MACO1: variants seen among roughly 807,000 people sequenced by gnomAD.
MACO1 encodes macoilin.
MACO1 carries 14 observed loss-of-function variants against 78.7 expected under a neutral mutation model. The ratio of observed to expected loss-of-function variants is 0.18; its 90% CI spans 0.12 to 0.28. The LOEUF (loss-of-function observed/expected upper bound fraction) is 0.28, where lower values mean the gene tolerates loss of function less well. Among genes scored for constraint, MACO1 ranks in the 10% least tolerant of loss-of-function variants. The pLI, the probability that MACO1 is intolerant of heterozygous loss-of-function variation, is 1.00. For missense variants in MACO1, 501 were observed against 799.0 expected (o/e 0.63, Z 4.50); for synonymous variants, 288 against 291.6 (o/e 0.99, Z 0.12).
chr1:25,452,758 G>A (rs7532783), intron 3 of MACO1, among the ~76,000 whole-genome samples: 74,407 of 149,434 alleles, frequency 0.5, 18,827 homozygotes, highest in Non-Finnish European at 0.54. Context: ...GTGCAGTGGC[G>A]CAATCTCGGC....
In MACO1 at chr1:25,431,083, GC is replaced by G. The variant is rs1357063996; in HGVS notation, c.-10del. The G allele has an allele frequency of 5.7e-6, 9 of 1,574,770 alleles. No individual in the cohort carries two copies. The highest frequency in any genetic ancestry group is 2.4e-5 in the East Asian group (1 of 41,876). ...ACGGCGGCGGCGGCGCGGGCACCCG[GC>G]CCCCCAGCGGGAGGATGAAGCGGCG... On this transcript the variant is annotated 5_prime_UTR_variant, in exon 1 of 11. Coordinates refer to ENST00000374343, the MANE Select transcript of MACO1 (RefSeq NM_018202.6).
intron 10 of MACO1, among the ~76,000 whole-genome samples, chr1:25,492,827 T>G (rs562629422): frequency 2.6e-5 from 4 of 151,602 alleles, no homozygotes; most frequent in Non-Finnish European, 5.9e-5. Flanking sequence ...AATAGAGTAC[T>G]GCATAAAATA....
chr1:25,456,962 A>G (rs1442400610), intron 5 of MACO1, 131 bp downstream of exon 5: 12 of 865,030 alleles, frequency 1.4e-5, no homozygotes, highest in Non-Finnish European at 2.0e-5. Context: ...CCTCAGGGTC[A>G]TTGTTTTATT....
At chr1:25,467,490 C>T (rs182347242) in intron 6 of MACO1, among the ~76,000 whole-genome samples, 1 of 152,170 alleles carries the variant, frequency 6.6e-6, no homozygotes, top group Admixed American at 6.5e-5. Flanking sequence ...TAACAAAATA[C>T]TAAGTGATCC....
chr1:25,471,120 C>T (rs933755125), intron 6 of MACO1, among the ~76,000 whole-genome samples: 29 of 151,764 alleles, frequency 1.9e-4, no homozygotes, highest in African/African-American at 7.0e-4. Context: ...AGGTGGATCA[C>T]ATAAGGCCAG....
In MACO1 at chr1:25,468,159, A is replaced by AGT. The variant is rs1481388663; in HGVS notation, c.1154+9267_1154+9268insGT. ...TGTGTTAAAAATTCTTGCTCTTGCC[A>AGT]AAGACACATGAGTGTACTTACTTAT... On this transcript the variant is annotated intron_variant, in intron 6 of 10. Coordinates refer to ENST00000374343, the MANE Select transcript of MACO1 (RefSeq NM_018202.6). Among the ~76,000 whole-genome samples, 12 of 152,060 alleles carry AGT rather than the reference A, an allele frequency of 7.9e-5. No individual in the cohort carries two copies. The East Asian group carries it at 2.3e-3, about 29-fold the overall frequency.
intron 1 of MACO1, among the ~76,000 whole-genome samples, chr1:25,442,489 A>C (rs969451414): frequency 1.3e-5 from 2 of 152,198 alleles, no homozygotes; most frequent in East Asian, 3.8e-4. Flanking sequence ...AAGGTCAGGT[A>C]CTAAGGATTG....
In MACO1 at chr1:25,446,825, G is replaced by A; in HGVS notation, c.144G>A (p.Leu48=). ...TTGTCCTCCTAGCAGATTTTGTCCT[G>A]GAGTTCAGATTTGAATACCTGTGGC... is the stretch of plus-strand genomic sequence containing the variant. The part of the protein sequence containing the change: ...WALVLLADFV[L]EFRFEYLWPF... The change falls in exon 2 of 11, where the codon CTG becomes CTA. Residue 48 remains leucine (L), a synonymous_variant. Transcript: ENST00000374343. 2 of 1,613,884 alleles carry A rather than the reference G, an allele frequency of 1.2e-6. No individual in the cohort carries two copies. The highest frequency in any genetic ancestry group is 8.5e-7 in the Non-Finnish European group (1 of 1,179,916).
chr1:25,477,535 T>A (rs2043333099), intron 6 of MACO1, among the ~76,000 whole-genome samples: 2 of 152,212 alleles, frequency 1.3e-5, no homozygotes, highest in Non-Finnish European at 2.9e-5. Flanking sequence ...AGGCTCCTTA[T>A]CATCCCCAGG....
At chr1:25,438,567 C>T (rs2042940079) in intron 1 of MACO1, among the ~76,000 whole-genome samples, 1 of 152,166 alleles carries the variant, frequency 6.6e-6, no homozygotes, top group Admixed American at 6.5e-5. Flanking sequence ...CTATGTGGAA[C>T]TCTATGTTGC....
At chr1:25,477,577 C>T (rs929759992) in intron 6 of MACO1, among the ~76,000 whole-genome samples, 5 of 152,170 alleles carry the variant, frequency 3.3e-5, no homozygotes, top group African/African-American at 9.7e-5. Flanking sequence ...AGCCCACAGA[C>T]ATATATCTTT....
chr1:25,498,587 A>G lies in MACO1; in HGVS notation c.*121A>G. 1.1e-6 allele frequency: 1 copy of G among 947,908 alleles called. No individual in the cohort carries two copies. The highest frequency in any genetic ancestry group is 2.5e-5 in the East Asian group (1 of 39,742). 58.7% of individuals were successfully genotyped at this position (947,908 alleles called of 1,614,324 possible). Reference sequence around the variant, plus strand: ...ATTTTGTGGAACTGTATCTGTTGTCATTTTTAAAAAGGGGGGAAAAGATAA... The same window carrying G: ...ATTTTGTGGAACTGTATCTGTTGTCGTTTTTAAAAAGGGGGGAAAAGATAA... On this transcript the variant is annotated 3_prime_UTR_variant, in exon 11 of 11. Coordinates refer to ENST00000374343, the MANE Select transcript of MACO1 (RefSeq NM_018202.6).
Position 25,458,668 on chromosome 1 carries a change from G to C in MACO1, c.930G>C (p.Leu310Phe). Reference protein sequence around the residue: ...NDLVGSTENLLKEDSCTASSK... With the variant: ...NDLVGSTENLFKEDSCTASSK... ...TTGTGGGAAGTACAGAAAATCTCTTGAAAGAGGACTCATGCACTGCTTCCT... is the reference window on the plus strand; with the variant it reads ...TTGTGGGAAGTACAGAAAATCTCTTCAAAGAGGACTCATGCACTGCTTCCT... Residue 310 changes from leucine (L) to phenylalanine (F), a missense_variant, in exon 6 of 11, where the codon TTG becomes TTC. This residue lies in a region of MACO1 where 90 missense variants were observed against 85.7 expected (regional missense o/e 1.05). Transcript: ENST00000374343. 1 of 1,614,116 alleles carries C rather than the reference G, an allele frequency of 6.2e-7. No homozygotes were observed. The highest frequency in any genetic ancestry group is 8.5e-7 in the Non-Finnish European group (1 of 1,180,018).
rs1294124195 is a variant in MACO1 at position 25,440,405 on chromosome 1, G to GGA, written c.81-6357_81-6356insGA. On this transcript the variant is annotated intron_variant, in intron 1 of 10. Coordinates refer to ENST00000374343, the MANE Select transcript of MACO1 (RefSeq NM_018202.6). ...CAACAAAGGAAGACCCCAGTTCTGG[G>GGA]AAAAAAAAAAAAAAAAGAAGAAAGA... Among the ~76,000 whole-genome samples, 192 of 124,610 alleles carry GGA rather than the reference G, an allele frequency of 1.5e-3. 2 individuals carry two copies. The highest frequency in any genetic ancestry group is 4.4e-3 in the African/African-American group (152 of 34,748). 81.7% of individuals were successfully genotyped at this position (124,610 alleles called of 152,430 possible).
rs78910532 is a variant in MACO1 at position 25,456,965 on chromosome 1, G to A, written c.652+134G>A. ...AATGGTGTTCCTCCTCAGGGTCATT[G>A]TTTTATTTGGTCAATGAAATACAGA... On this transcript the variant is annotated intron_variant, in intron 5 of 10. Transcript: ENST00000374343. 9.7e-3 allele frequency: 7,991 copies of A among 827,594 alleles called. 394 individuals carry two copies. In the African/African-American group the frequency reaches 0.11, roughly 11 times the overall value. The allele number at this position is 827,594 out of a possible 1,614,324, so 51.3% of individuals were successfully genotyped here.
chr1:25,498,554 T>C lies in MACO1; in HGVS notation c.*88T>C. On this transcript the variant is annotated 3_prime_UTR_variant, in exon 11 of 11. Transcript: ENST00000374343. ...TGGCAGTCAAGATAAAAAAACAGTT[T>C]CTATTGTATTTTGTGGAACTGTATC... 1 of 1,258,060 alleles carries C rather than the reference T, an allele frequency of 7.9e-7. No homozygotes were observed. The highest frequency in any genetic ancestry group is 1.5e-5 in the South Asian group (1 of 68,742). The allele number at this position is 1,258,060 out of a possible 1,614,324, so 77.9% of individuals were successfully genotyped here. A position where few individuals can be genotyped will look rare whatever the true frequency, so the allele number is the denominator to read the frequency against.
rs1246920699 is a variant in MACO1, at chr1:25,453,004, AT to A, written c.350-1237del. ...GCCACCACGCCTGGCCCTACAGTGA[AT>A]TTTTTTTTTTTTTTTTTGAGATGGA... On this transcript the variant is annotated intron_variant, in intron 3 of 10. Coordinates refer to ENST00000374343, the MANE Select transcript of MACO1 (RefSeq NM_018202.6). Among the ~76,000 whole-genome samples, 698 of 118,160 alleles carry A rather than the reference AT, an allele frequency of 5.9e-3. 3 individuals carry two copies. Among genetic ancestry groups the A allele is most frequent in the African/African-American group, 0.01 (322 of 30,896 alleles). The allele number at this position is 118,160 out of a possible 152,430, so 77.5% of individuals were successfully genotyped here.
Position 25,458,769 on chromosome 1 carries a change from C to T in MACO1, c.1031C>T (p.Pro344Leu). The T allele has an allele frequency of 6.2e-7, 1 of 1,614,144 alleles. No homozygotes were observed. ...CATAGCGCCACAAATGGGAGCATTCCTTCCTCATCTAGTAAAAATGAGAAG... is the reference window on the plus strand; with the variant it reads ...CATAGCGCCACAAATGGGAGCATTCTTTCCTCATCTAGTAAAAATGAGAAG... ...RSHSATNGSI[P>L]SSSSKNEKKQ... Residue 344 changes from proline to leucine, a missense_variant, in exon 6 of 11, where the codon CCT becomes CTT. Pro to Leu is a moderately conservative substitution (Grantham distance 98). Around this residue, in one of 5 missense-constraint regions of MACO1, gnomAD observed 163 missense variants for 271.9 expected, o/e 0.60. Transcript: ENST00000374343.
chr1:25,476,897 G>A (rs770405223), intron 6 of MACO1, among the ~76,000 whole-genome samples: 2 of 152,082 alleles, frequency 1.3e-5, no homozygotes, highest in Non-Finnish European at 2.9e-5. Context: ...CTCTTATGTC[G>A]TAACACTGAC....
Sources: gnomAD v4.1 joint callset for allele counts (sites outside exome capture counted in the v4.1 genomes callset) on GRCh38, gnomAD v4.1.1 for gene constraint, gnomAD v4.1.1 regional missense constraint, MANE v1.5 for transcripts, NCBI Gene and HGNC (gene_info 2026-07-23, HGNC 2026-07-21) for gene names.